The following SHISA9 variants were observed in gnomAD, a reference collection of about 807,000 sequenced individuals.
SHISA9 encodes the protein shisa family member 9.
A neutral mutation model predicts 38.0 loss-of-function variants in SHISA9; 13 were observed. The observed-to-expected ratio is 0.34, with a 90% CI of 0.22 to 0.54. SHISA9 has a LOEUF of 0.54. Among genes scored for constraint, SHISA9 ranks in the 20% least tolerant of loss-of-function variants. The probability of loss-of-function intolerance (pLI) is 0.91; values close to 1 mark genes in which losing one functional copy is unlikely to be tolerated. For synonymous variants in SHISA9, 275 were observed against 242.0 expected, an observed-to-expected ratio of 1.14 and a Z score of -1.27; for missense variants, 538 against 575.8, an observed-to-expected ratio of 0.93 and a Z score of 0.67.
the SHISA9 span, among the ~76,000 whole-genome samples, chr16:13,421,419 T>G: frequency 6.6e-6 from 1 of 151,598 alleles, no homozygotes; most frequent in Middle Eastern, 3.4e-3. Flanking sequence ...CAAGAGAAAA[T>G]GAGGAAAATG....
At chr16:13,129,127 G>T (rs1022411365) in intron 2 of SHISA9, among the ~76,000 whole-genome samples, 1 of 152,146 alleles carries the variant, frequency 6.6e-6, no homozygotes, top group Non-Finnish European at 1.5e-5. Context: ...GAGTGAATAA[G>T]AAGACAGAGT....
the SHISA9 span, among the ~76,000 whole-genome samples, chr16:13,496,639 TG>T: frequency 6.6e-6 from 1 of 151,976 alleles, no homozygotes; most frequent in Admixed American, 6.6e-5. Context: ...CAAAATGAGC[TG>T]GAAAAAAATT....
At chr16:12,939,242 C>T (rs2071577066) in intron 2 of SHISA9, among the ~76,000 whole-genome samples, 1 of 152,086 alleles carries the variant, frequency 6.6e-6, no homozygotes, top group Admixed American at 6.5e-5. Context: ...CACCACCACG[C>T]CTGGCTAATT....
chr16:12,961,640 A>G (rs756881107), intron 2 of SHISA9, among the ~76,000 whole-genome samples: 3 of 152,308 alleles, frequency 2.0e-5, no homozygotes, highest in Non-Finnish European at 4.4e-5. Context: ...AAGAAGGAGA[A>G]AGAAGGAGAA....
At chr16:13,445,007 T>C in the SHISA9 span, among the ~76,000 whole-genome samples, 3 of 53,726 alleles carry the variant, frequency 5.6e-5, 1 homozygote, top group Non-Finnish European at 7.7e-5. Context: ...TATATATATA[T>C]ATATATATAT....
chr16:13,092,100 C>T (rs2073780896), intron 2 of SHISA9, among the ~76,000 whole-genome samples: 1 of 152,234 alleles, frequency 6.6e-6, no homozygotes, highest in South Asian at 2.1e-4. Context: ...AATTCCACTC[C>T]AGACCCTGTT....
chr16:13,280,852 A>AAGT, the SHISA9 span, among the ~76,000 whole-genome samples: 3 of 151,886 alleles, frequency 2.0e-5, no homozygotes, highest in African/African-American at 7.2e-5. Context: ...GACATGTGAC[A>AAGT]AGTAGATGAG....
intron 2 of SHISA9, among the ~76,000 whole-genome samples, chr16:13,038,450 CCA>C (rs2073098668): frequency 6.6e-6 from 1 of 152,196 alleles, no homozygotes; most frequent in Non-Finnish European, 1.5e-5. Context: ...TCCCTGCACC[CCA>C]CTCTCCTTTG....
chr16:12,938,956 C>G (rs2141754294), intron 2 of SHISA9, among the ~76,000 whole-genome samples: 1 of 152,226 alleles, frequency 6.6e-6, no homozygotes, highest in African/African-American at 2.4e-5. Context: ...GTGCCATGTT[C>G]CAAGTAAGCA....
intron 1 of SHISA9, chr16:12,908,862 T>C (rs1433274016): frequency 1.8e-6 from 2 of 1,126,500 alleles, no homozygotes; most frequent in African/African-American, 1.6e-5. Flanking sequence ...GGAACACATG[T>C]CATTATTTTG....
chr16:12,943,517 T>C (rs1309255659), intron 2 of SHISA9, among the ~76,000 whole-genome samples: 2 of 152,160 alleles, frequency 1.3e-5, no homozygotes, highest in African/African-American at 4.8e-5. Flanking sequence ...TACTTTGCTG[T>C]CTTAAATCCT....
intron 2 of SHISA9, among the ~76,000 whole-genome samples, chr16:13,142,270 T>G (rs540398013): frequency 7.9e-5 from 12 of 152,186 alleles, no homozygotes; most frequent in Non-Finnish European, 1.8e-4. Context: ...GTAGGCACGA[T>G]TACTTATTAG....
intron 2 of SHISA9, among the ~76,000 whole-genome samples, chr16:13,004,962 A>AGAAAAGAAAAG (rs112467502): frequency 3.9e-5 from 5 of 127,636 alleles, no homozygotes; most frequent in Admixed American, 1.7e-4. Flanking sequence ...AAAAAAAGAA[A>AGAAAAGAAAAG]AAAAGAAAGA....
At chr16:12,943,318 TGTGTGTGTGTGTGAGAGAGAGAGA>T (rs2071641872) in intron 2 of SHISA9, among the ~76,000 whole-genome samples, 5 of 26,414 alleles carry the variant, frequency 1.9e-4, no homozygotes, top group Admixed American at 6.6e-4. Context: ...TGTGTGTGTG[TGTGTGTGTGTGTGAGAGAGAGAGA>T]GAGAGAGAGA....
chr16:12,995,108 A>C (rs1358399335), intron 2 of SHISA9, among the ~76,000 whole-genome samples: 1 of 152,090 alleles, frequency 6.6e-6, no homozygotes, highest in African/African-American at 2.4e-5. Context: ...ATGGGTACAT[A>C]GTAGGTGTCT....
chr16:13,193,535 G>T (rs2050907596), intron 2 of SHISA9, among the ~76,000 whole-genome samples: 1 of 152,168 alleles, frequency 6.6e-6, no homozygotes, highest in South Asian at 2.1e-4. Context: ...TAGTAGAGAT[G>T]GAGTTTCTCC....
At chr16:13,018,714 T>C (rs1338090045) in intron 2 of SHISA9, among the ~76,000 whole-genome samples, 1 of 152,206 alleles carries the variant, frequency 6.6e-6, no homozygotes, top group Non-Finnish European at 1.5e-5. Flanking sequence ...CCTAGTCGCC[T>C]GTCAACTTTG....
At chr16:13,465,369 T>G in the SHISA9 span, among the ~76,000 whole-genome samples, 3 of 152,180 alleles carry the variant, frequency 2.0e-5, no homozygotes, top group African/African-American at 7.2e-5. Context: ...CAGGTTCATT[T>G]TGGCAGAACT....
chr16:13,037,109 G>GACACACACACACACACACACAC (rs1207707042), intron 2 of SHISA9, among the ~76,000 whole-genome samples: 1 of 105,210 alleles, frequency 9.5e-6, no homozygotes, highest in South Asian at 3.7e-4. Context: ...CACACACACA[G>GACACACACACACACACACACAC]ACACACACAC....
Sources: gnomAD v4.1 joint callset for allele counts (sites outside exome capture counted in the v4.1 genomes callset) on GRCh38, gnomAD v4.1.1 for gene constraint, MANE v1.5 for transcripts, NCBI Gene and HGNC (gene_info 2026-07-23, HGNC 2026-07-21) for gene names.